The following PIEZO2 variants were observed in gnomAD, a reference collection of about 807,000 sequenced individuals.
PIEZO2 encodes the protein piezo type mechanosensitive ion channel component 2.
In PIEZO2, 172 loss-of-function variants were observed where a neutral mutation model predicts 337.3. The observed-to-expected ratio is 0.51, with a 90% CI of 0.45 to 0.58. The LOEUF is 0.58. Among genes scored for constraint, PIEZO2 ranks in the 20% least tolerant of loss-of-function variants. The pLI, the probability that PIEZO2 is intolerant of heterozygous loss-of-function variation, is 0.00. For missense variants in PIEZO2, 3,028 were observed against 3,391.3 expected, an observed-to-expected ratio of 0.89 and a Z score of 2.66; for synonymous variants, 1,251 against 1,228.5, an observed-to-expected ratio of 1.02 and a Z score of -0.38.
At chr18:10,688,112 GC>G (rs1205387598) in intron 49 of PIEZO2, among the ~76,000 whole-genome samples, 4 of 151,942 alleles carry the variant, frequency 2.6e-5, no homozygotes, top group African/African-American at 7.3e-5. Flanking sequence ...TAGGTTTTAA[GC>G]CCCCCATGCG....
rs1027605757 is a variant in PIEZO2 at position 10,797,331 on chromosome 18, T to C, written c.1527+43A>G. 2.4e-5 allele frequency: 32 copies of C among 1,355,716 alleles called. 3 individuals carry two copies. In the Middle Eastern group the frequency reaches 2.2e-3, roughly 91 times the overall value. The allele number at this position is 1,355,716 out of a possible 1,614,324, so 84.0% of individuals were successfully genotyped here. A position where few individuals can be genotyped will look rare whatever the true frequency, so the allele number is the denominator to read the frequency against. ...TCATGGCACACATACCATCATATCATATTATACATATCATATTATACCTAT... is the reference window on the plus strand; with the variant it reads ...TCATGGCACACATACCATCATATCACATTATACATATCATATTATACCTAT... On this transcript the variant is annotated intron_variant, in intron 12 of 55. Transcript: ENST00000674853.
chr18:11,049,322 G>T (rs954304858), intron 2 of PIEZO2, among the ~76,000 whole-genome samples: 10 of 152,214 alleles, frequency 6.6e-5, no homozygotes, highest in Non-Finnish European at 1.5e-4. Flanking sequence ...GCAGTGAATA[G>T]ATGGCAGAGC....
intron 27 of PIEZO2, among the ~76,000 whole-genome samples, chr18:10,753,488 T>C (rs2037724650): frequency 6.6e-6 from 1 of 152,192 alleles, no homozygotes; most frequent in Admixed American, 6.5e-5. Context: ...AGCGTTCCGG[T>C]GTCAGTCTTG....
At chr18:10,811,817 C>T (rs895688234) in intron 7 of PIEZO2, among the ~76,000 whole-genome samples, 2 of 152,194 alleles carry the variant, frequency 1.3e-5, no homozygotes, top group African/African-American at 2.4e-5. Context: ...AGAAATAACA[C>T]TAGTTGTTGT....
At chr18:10,843,375 A>T (rs1307984042) in intron 7 of PIEZO2, among the ~76,000 whole-genome samples, 2 of 151,916 alleles carry the variant, frequency 1.3e-5, no homozygotes, top group East Asian at 3.9e-4. Flanking sequence ...TCAGAATGAG[A>T]TTTCTCAAAA....
chr18:11,141,913 T>G (rs1009218510), intron 1 of PIEZO2, among the ~76,000 whole-genome samples: 1 of 152,178 alleles, frequency 6.6e-6, no homozygotes, highest in Non-Finnish European at 1.5e-5. Flanking sequence ...AAAGCCTAAG[T>G]AGTTTCTGCA....
chr18:10,948,381 T>C (rs2033133335), intron 3 of PIEZO2, among the ~76,000 whole-genome samples: 1 of 152,206 alleles, frequency 6.6e-6, no homozygotes, highest in Non-Finnish European at 1.5e-5. Flanking sequence ...AGGGTATGTG[T>C]TACAAAAAAA....
In PIEZO2 at chr18:10,833,944, TAGA is replaced by T. The variant is rs2040927688; in HGVS notation, c.917+21406_917+21408del. Among the ~76,000 whole-genome samples, 1 of 152,244 alleles carries T rather than the reference TAGA, an allele frequency of 6.6e-6. No homozygotes were observed. Among genetic ancestry groups the T allele is most frequent in the South Asian group, 2.1e-4 (1 of 4,832 alleles). ...CAGACCTCAAAACTTTTCCATGCAG[TAGA>T]AGAGCAGAATAGGAGAGTGATTTAG... On this transcript the variant is annotated intron_variant, in intron 7 of 55. Transcript: ENST00000674853. The surrounding 1 kb of genome is among the most constrained non-coding windows in gnomAD (Gnocchi z 4.7).
rs982696589 is a variant in PIEZO2 at position 11,092,127 on chromosome 18, A to T, written c.65-25905T>A. The stretch of plus-strand genomic sequence containing the variant: ...TTTTTGAAAGGTTGTCTGCTACCTG[A>T]CTATAGAAAGAGATCTCAGGACAGA... On this transcript the variant is annotated intron_variant, in intron 1 of 55. Transcript: ENST00000674853. This position sits in a 1 kb window ranked among gnomAD's most constrained non-coding sequence, Gnocchi z 4.5. Among the ~76,000 whole-genome samples the T allele has an allele frequency of 3.9e-5, 6 of 152,220 alleles. No individual in the cohort carries two copies. The highest frequency in any genetic ancestry group is 1.2e-4 in the African/African-American group (5 of 41,454).
intron 1 of PIEZO2, among the ~76,000 whole-genome samples, chr18:11,068,624 C>G (rs557981004): frequency 1.1e-4 from 17 of 151,532 alleles, no homozygotes; most frequent in Admixed American, 1.1e-3. Flanking sequence ...CCTCAAGGAA[C>G]AAGAAAAAGA....
intron 2 of PIEZO2, among the ~76,000 whole-genome samples, chr18:10,983,051 A>G (rs1306229390): frequency 1.3e-5 from 2 of 152,216 alleles, no homozygotes; most frequent in East Asian, 3.8e-4. Context: ...ACAGAAACTT[A>G]TATTCCTTAG....
At chr18:10,778,231 T>C (rs1420528076) in intron 18 of PIEZO2, among the ~76,000 whole-genome samples, 1 of 152,150 alleles carries the variant, frequency 6.6e-6, no homozygotes, top group Admixed American at 6.5e-5. Flanking sequence ...TAATGGATAA[T>C]CAGCCCTACT....
intron 36 of PIEZO2, among the ~76,000 whole-genome samples, chr18:10,725,869 C>A (rs12955440): frequency 0.1 from 15,514 of 152,184 alleles, 1,118 homozygotes; most frequent in Non-Finnish European, 0.15. Context: ...GGACACACGG[C>A]GCCTGGTTTA....
At position 10,748,337 on chromosome 18, in the gene PIEZO2, T is replaced by C; in HGVS notation, c.4424+134A>G. On this transcript the variant is annotated intron_variant, in intron 30 of 55. Transcript: ENST00000674853. This position sits in a 1 kb window ranked among gnomAD's most constrained non-coding sequence, Gnocchi z 5.1. ...TACAGGCCTTGTGCTAAATTCTTCT[T>C]GGATTGGTTTTGCTGGAAGGGATTT... 1 of 855,410 alleles carries C rather than the reference T, an allele frequency of 1.2e-6. No individual in the cohort carries two copies. The highest frequency in any genetic ancestry group is 1.8e-6 in the Non-Finnish European group (1 of 566,170). The allele number at this position is 855,410 out of a possible 1,614,324, so 53.0% of individuals were successfully genotyped here.
rs149357914 is a variant in PIEZO2 at position 11,147,527 on chromosome 18, G to A, written c.64+998C>T. The stretch of plus-strand genomic sequence containing the variant: ...GTCAAGATGCAGAGTCATCAACCTC[G>A]GTCAAGATGCAAAAAGGTGGCCTTT... On this transcript the variant is annotated intron_variant, in intron 1 of 55. Coordinates refer to ENST00000674853, the MANE Select transcript of PIEZO2 (RefSeq NM_001378183.1). 1.4e-3 allele frequency among the ~76,000 whole-genome samples: 219 copies of A among 152,338 alleles called. 1 individual carries two copies. Among genetic ancestry groups the A allele is most frequent in the African/African-American group, 5.0e-3 (208 of 41,574 alleles).
At position 10,673,115 on chromosome 18, in the gene PIEZO2, A is replaced by G. The variant is rs995932212; in HGVS notation, c.8162-242T>C. On this transcript the variant is annotated intron_variant, in intron 54 of 55. Coordinates refer to ENST00000674853, the MANE Select transcript of PIEZO2 (RefSeq NM_001378183.1). The surrounding 1 kb of genome is among the most constrained non-coding windows in gnomAD (Gnocchi z 4.8). ...GTTGCTACATGGGCATGGCAGCAAA[A>G]CCACAGGGCAAAAGTAGAGGATCCA... Among the ~76,000 whole-genome samples the G allele has an allele frequency of 2.6e-5, 4 of 152,178 alleles. No individual in the cohort carries two copies. Among genetic ancestry groups the G allele is most frequent in the Admixed American group, 1.3e-4 (2 of 15,278 alleles).
intron 21 of PIEZO2, among the ~76,000 whole-genome samples, chr18:10,763,447 G>A (rs888215323): frequency 9.2e-5 from 14 of 152,156 alleles, no homozygotes; most frequent in African/African-American, 3.4e-4. Context: ...GACAGTGCCT[G>A]AACTAAGCCA....
chr18:11,076,611 T>C (rs2038556751), intron 1 of PIEZO2, among the ~76,000 whole-genome samples: 1 of 152,100 alleles, frequency 6.6e-6, no homozygotes, highest in Admixed American at 6.6e-5. Flanking sequence ...TATACAAAGG[T>C]AGGATTCTGT....
At chr18:11,135,219 G>A (rs768766150) in intron 1 of PIEZO2, among the ~76,000 whole-genome samples, 3 of 151,976 alleles carry the variant, frequency 2.0e-5, no homozygotes, top group Non-Finnish European at 4.4e-5. Flanking sequence ...TGTCCAAAGC[G>A]ATAACGAGAT....
Sources: gnomAD v4.1 joint callset for allele counts (sites outside exome capture counted in the v4.1 genomes callset) on GRCh38, gnomAD v4.1.1 for gene constraint, Gnocchi (gnomAD v3.1) non-coding constraint, MANE v1.5 for transcripts, NCBI Gene and HGNC (gene_info 2026-07-23, HGNC 2026-07-21) for gene names.